RAB38: variants seen among roughly 807,000 people sequenced by gnomAD.
The protein encoded by RAB38 is RAB38, member RAS oncogene family.
In RAB38, 15 loss-of-function variants were observed where a neutral mutation model predicts 18.4. The observed-to-expected ratio is 0.82, with a 90% CI of 0.55 to 1.26. RAB38 has a LOEUF of 1.26. Ranked by LOEUF, RAB38 falls within the 50% of genes most tolerant of loss-of-function variation. RAB38 has a pLI of 0.00. For synonymous variants in RAB38, 101 were observed against 104.4 expected, an observed-to-expected ratio of 0.97 and a Z score of 0.20; for missense variants, 294 against 267.4, an observed-to-expected ratio of 1.10 and a Z score of -0.69.
the RAB38 span, among the ~76,000 whole-genome samples, chr11:88,063,969 T>C: frequency 6.6e-6 from 1 of 152,244 alleles, no homozygotes; most frequent in Non-Finnish European, 1.5e-5. Flanking sequence ...TCACATTTGC[T>C]ACGAAACAGT....
the RAB38 span, among the ~76,000 whole-genome samples, chr11:88,045,679 C>T: frequency 6.6e-6 from 1 of 152,186 alleles, no homozygotes. Context: ...TGCCTGATTG[C>T]CTCGGAAGCT....
the RAB38 span, among the ~76,000 whole-genome samples, chr11:87,861,630 T>A: frequency 6.6e-6 from 1 of 151,770 alleles, no homozygotes; most frequent in Non-Finnish European, 1.5e-5. Flanking sequence ...TAAGAGTGTT[T>A]TGAGAAAGCC....
intron 1 of RAB38, among the ~76,000 whole-genome samples, chr11:88,164,541 G>C (rs922412615): frequency 6.6e-6 from 1 of 151,936 alleles, no homozygotes. Flanking sequence ...GGTTTGAGAG[G>C]GTGTTTCATG....
At chr11:88,138,840 T>C (rs1942868824) in intron 2 of RAB38, among the ~76,000 whole-genome samples, 1 of 151,878 alleles carries the variant, frequency 6.6e-6, no homozygotes, top group Admixed American at 6.6e-5. Context: ...TGGAGTGCAA[T>C]GGCGCGATCT....
chr11:87,962,879 T>C, the RAB38 span, among the ~76,000 whole-genome samples: 5 of 152,220 alleles, frequency 3.3e-5, no homozygotes, highest in South Asian at 8.3e-4. Flanking sequence ...ACATTCTACA[T>C]TATATACATA....
the RAB38 span, among the ~76,000 whole-genome samples, chr11:87,844,190 A>C: frequency 2.0e-5 from 3 of 152,192 alleles, no homozygotes; most frequent in African/African-American, 7.2e-5. Flanking sequence ...CCCCAAAATA[A>C]TCCTATGAAA....
At chr11:87,890,721 A>G in the RAB38 span, among the ~76,000 whole-genome samples, 1 of 151,828 alleles carries the variant, frequency 6.6e-6, no homozygotes, top group Non-Finnish European at 1.5e-5. Flanking sequence ...GTGTTTTTGC[A>G]TAAGTTTCTC....
the RAB38 span, among the ~76,000 whole-genome samples, chr11:88,053,105 C>T: frequency 2.4e-5 from 3 of 127,104 alleles, no homozygotes; most frequent in East Asian, 2.2e-4. Flanking sequence ...TATATATATA[C>T]ACATATATAT....
At chr11:88,030,471 T>G in the RAB38 span, among the ~76,000 whole-genome samples, 5 of 151,938 alleles carry the variant, frequency 3.3e-5, no homozygotes, top group Non-Finnish European at 7.4e-5. Context: ...ACAAAATTGA[T>G]AGACTGCTAG....
At chr11:87,847,263 G>A in the RAB38 span, among the ~76,000 whole-genome samples, 1 of 151,952 alleles carries the variant, frequency 6.6e-6, no homozygotes, top group Non-Finnish European at 1.5e-5. Context: ...AGAATATCAT[G>A]AGTAAAAGAG....
chr11:88,036,639 A>G, the RAB38 span, among the ~76,000 whole-genome samples: 2 of 152,106 alleles, frequency 1.3e-5, no homozygotes, highest in Admixed American at 6.5e-5. Context: ...AAGTTTTTCT[A>G]TATAAATATG....
At chr11:88,115,135 T>G (rs1942531529) in intron 2 of RAB38, among the ~76,000 whole-genome samples, 1 of 152,222 alleles carries the variant, frequency 6.6e-6, no homozygotes. Context: ...ATACTACCAG[T>G]GTACTAAAAT....
At chr11:87,926,317 A>G in the RAB38 span, among the ~76,000 whole-genome samples, 1 of 152,048 alleles carries the variant, frequency 6.6e-6, no homozygotes, top group African/African-American at 2.4e-5. Flanking sequence ...TAAAATTAAA[A>G]AAATAATAAA....
At chr11:88,117,019 CTG>C (rs1489942356) in intron 2 of RAB38, among the ~76,000 whole-genome samples, 1 of 152,132 alleles carries the variant, frequency 6.6e-6, no homozygotes, top group Non-Finnish European at 1.5e-5. Flanking sequence ...TAAGATAACA[CTG>C]TTTAAATTGT....
Position 88,118,517 on chromosome 11 carries a change from T to G in RAB38, c.484-4377A>C, listed in dbSNP as rs1343301103. 2.6e-5 allele frequency among the ~76,000 whole-genome samples: 4 copies of G among 152,200 alleles called. No homozygotes were observed. In the East Asian group the frequency reaches 7.7e-4, roughly 29 times the overall value. ...AGCCCACATTTTCTGGGTGATTGTA[T>G]AGAAACAGAGTTGCCAGAATAAGTG... On this transcript the variant is annotated intron_variant, in intron 2 of 2. Transcript: ENST00000243662.
At chr11:88,071,901 A>G in the RAB38 span, among the ~76,000 whole-genome samples, 4 of 152,222 alleles carry the variant, frequency 2.6e-5, 1 homozygote, top group South Asian at 8.3e-4. Flanking sequence ...CCAACAAAAC[A>G]GCTCAATTCC....
At chr11:88,137,160 G>T (rs1942846355) in intron 2 of RAB38, among the ~76,000 whole-genome samples, 3 of 152,106 alleles carry the variant, frequency 2.0e-5, no homozygotes, top group Admixed American at 1.3e-4. Flanking sequence ...CCAACCTAAA[G>T]CAAAACCCAC....
chr11:88,019,051 A>G, the RAB38 span, among the ~76,000 whole-genome samples: 1 of 151,652 alleles, frequency 6.6e-6, no homozygotes, highest in African/African-American at 2.4e-5. Flanking sequence ...AATTATTTTT[A>G]TCTTCTAAAA....
At chr11:88,081,143 AATG>A in the RAB38 span, among the ~76,000 whole-genome samples, 1 of 151,954 alleles carries the variant, frequency 6.6e-6, no homozygotes, top group Non-Finnish European at 1.5e-5. Flanking sequence ...TACAATATCA[AATG>A]ATGACAAATG....
Sources: gnomAD v4.1 joint callset for allele counts (sites outside exome capture counted in the v4.1 genomes callset) on GRCh38, gnomAD v4.1.1 for gene constraint, MANE v1.5 for transcripts, NCBI Gene and HGNC (gene_info 2026-07-23, HGNC 2026-07-21) for gene names.